Variants in SLC22A23 observed in about 807,000 individuals in gnomAD.
SLC22A23 encodes ion transporter protein.
A neutral mutation model predicts 61.0 loss-of-function variants in SLC22A23; 26 were observed. That is an observed-to-expected ratio of 0.43 (90% CI 0.31 to 0.59). SLC22A23 has a LOEUF of 0.59. SLC22A23 is among the 20% of genes least tolerant of loss of function. The pLI is 0.11. For synonymous variants in SLC22A23, 430 were observed against 413.9 expected (o/e 1.04, Z -0.47); for missense variants, 796 against 934.7 (o/e 0.85, Z 1.94).
intron 1 of SLC22A23, among the ~76,000 whole-genome samples, chr6:3,451,013 T>C (rs1026212652): frequency 5.3e-5 from 8 of 152,186 alleles, no homozygotes; most frequent in African/African-American, 1.9e-4. Context: ...TGCAAATTCA[T>C]GAGAACAGAG....
chr6:3,390,133 G>A lies in SLC22A23; in HGVS notation c.913+20055C>T, dbSNP rs574525978. On this transcript the variant is annotated intron_variant, in intron 3 of 9. Transcript: ENST00000406686. This position sits in a 1 kb window ranked among gnomAD's most constrained non-coding sequence, Gnocchi z 4.0. ...GGGCTCATCCGGAACAGCAACCAGC[G>A]GTGAGCCACAGTCAGGAAAAGGAAT... Among the ~76,000 whole-genome samples the A allele has an allele frequency of 5.9e-5, 9 of 152,258 alleles. No individual in the cohort carries two copies. Among genetic ancestry groups the A allele is most frequent in the African/African-American group, 1.7e-4 (7 of 41,558 alleles).
chr6:3,396,295 G>C (rs1316732633), intron 3 of SLC22A23, among the ~76,000 whole-genome samples: 1 of 152,252 alleles, frequency 6.6e-6, no homozygotes, highest in East Asian at 1.9e-4. Flanking sequence ...AGGTGCAGTG[G>C]CTTATGCCTG....
chr6:3,417,047 C>A (rs1769766072), intron 1 of SLC22A23, among the ~76,000 whole-genome samples: 1 of 152,120 alleles, frequency 6.6e-6, no homozygotes, highest in African/African-American at 2.4e-5. Flanking sequence ...TCAGGTCCTG[C>A]CTCATGTTTC....
rs1762230601 is a variant in SLC22A23 at position 3,309,609 on chromosome 6, G to A, written c.1083-11391C>T. Among the ~76,000 whole-genome samples, 1 of 152,042 alleles carries A rather than the reference G, an allele frequency of 6.6e-6. No homozygotes were observed. Among genetic ancestry groups the A allele is most frequent in the African/African-American group, 2.4e-5 (1 of 41,382 alleles). On this transcript the variant is annotated intron_variant, in intron 4 of 9. Coordinates refer to ENST00000406686, the MANE Select transcript of SLC22A23 (RefSeq NM_015482.2). The surrounding 1 kb of genome is among the most constrained non-coding windows in gnomAD (Gnocchi z 4.7). ...GGCACCTGACCATAATAAGGACTGT[G>A]GGCTGACGAGCAGGTGGCAGGAGGC...
chr6:3,447,558 A>G (rs969117443), intron 1 of SLC22A23, among the ~76,000 whole-genome samples: 1 of 151,830 alleles, frequency 6.6e-6, no homozygotes, highest in Non-Finnish European at 1.5e-5. Context: ...AATCTGTGAA[A>G]AGGAGGAGAG....
At chr6:3,284,836 GC>G (rs758117619) in intron 8 of SLC22A23, 42 of 1,408,624 alleles carry the variant, frequency 3.0e-5, no homozygotes, top group Non-Finnish European at 4.1e-5. Flanking sequence ...AGGGGAAGGG[GC>G]GGGGGCATGC....
At chr6:3,405,440 A>G (rs1160587163) in intron 3 of SLC22A23, among the ~76,000 whole-genome samples, 1 of 152,086 alleles carries the variant, frequency 6.6e-6, no homozygotes. Context: ...GTGGAGACAA[A>G]GAGACGACCG....
intron 3 of SLC22A23, among the ~76,000 whole-genome samples, chr6:3,377,475 C>T (rs756887864): frequency 3.0e-4 from 45 of 152,336 alleles, no homozygotes; most frequent in Middle Eastern, 6.8e-3. Flanking sequence ...CAGGGGAGGC[C>T]ACCCTGCTGT....
At chr6:3,428,915 C>T (rs1234731696) in intron 1 of SLC22A23, among the ~76,000 whole-genome samples, 1 of 152,184 alleles carries the variant, frequency 6.6e-6, no homozygotes, top group Non-Finnish European at 1.5e-5. Flanking sequence ...CAGGACTTCT[C>T]AGAGCCTTTA....
chr6:3,395,196 T>G (rs1767926898), intron 3 of SLC22A23, among the ~76,000 whole-genome samples: 1 of 152,244 alleles, frequency 6.6e-6, no homozygotes, highest in Non-Finnish European at 1.5e-5. Context: ...CTGGATGGGA[T>G]GCCTGTAGCC....
intron 4 of SLC22A23, among the ~76,000 whole-genome samples, chr6:3,299,146 A>G (rs986432737): frequency 2.0e-4 from 30 of 152,222 alleles, no homozygotes; most frequent in Non-Finnish European, 2.1e-4. Flanking sequence ...ATAAAAAAAT[A>G]ATTTAACAAA....
intron 4 of SLC22A23, among the ~76,000 whole-genome samples, chr6:3,314,593 C>T (rs905438519): frequency 6.6e-6 from 1 of 152,116 alleles, no homozygotes; most frequent in African/African-American, 2.4e-5. Flanking sequence ...CAGTATTACT[C>T]TGACCAAAAT....
chr6:3,371,937 A>G (rs577383236), intron 3 of SLC22A23, among the ~76,000 whole-genome samples: 1 of 152,256 alleles, frequency 6.6e-6, no homozygotes, highest in South Asian at 2.1e-4. Flanking sequence ...CTGATTCACA[A>G]ATGCTCAAGA....
rs1203015973 is a variant in SLC22A23, at chr6:3,269,650, A to C, written c.*3405T>G. On this transcript the variant is annotated 3_prime_UTR_variant, in exon 10 of 10. Coordinates refer to ENST00000406686, the MANE Select transcript of SLC22A23 (RefSeq NM_015482.2). Reference sequence around the variant, plus strand: ...ACAGAAACACAGTTTTTATATTACAACCTCAAGGACAGGGAGGGAAGTGTT... The same window carrying C: ...ACAGAAACACAGTTTTTATATTACACCCTCAAGGACAGGGAGGGAAGTGTT... 2 of 57,438 alleles carry C rather than the reference A, an allele frequency of 3.5e-5. No individual in the cohort carries two copies. Among genetic ancestry groups the C allele is most frequent in the Non-Finnish European group, 7.7e-5 (2 of 26,096 alleles). The allele number at this position is 57,438 out of a possible 1,614,324, so 3.6% of individuals were successfully genotyped here.
intron 3 of SLC22A23, among the ~76,000 whole-genome samples, chr6:3,405,694 G>A (rs1465764927): frequency 2.6e-5 from 4 of 151,570 alleles, no homozygotes; most frequent in African/African-American, 9.7e-5. Flanking sequence ...AAGTTGCAAG[G>A]AATATTAGTT....
intron 3 of SLC22A23, among the ~76,000 whole-genome samples, chr6:3,362,408 A>G (rs1765521178): frequency 1.2e-5 from 1 of 85,252 alleles, no homozygotes; most frequent in Non-Finnish European, 2.6e-5. Flanking sequence ...GTCTCACAAA[A>G]AAAAAAAATA....
At chr6:3,397,435 G>C (rs1768085402) in intron 3 of SLC22A23, among the ~76,000 whole-genome samples, 1 of 152,220 alleles carries the variant, frequency 6.6e-6, no homozygotes, top group South Asian at 2.1e-4. Flanking sequence ...AGCTCAGTAA[G>C]TGTTATCTCT....
chr6:3,289,980 GC>G (rs1760423883), intron 5 of SLC22A23, 114 bp from the exon 6 acceptor site: 12 of 537,148 alleles, frequency 2.2e-5, no homozygotes, highest in Middle Eastern at 3.7e-4. Flanking sequence ...GGAGAGAGAA[GC>G]TTTTTTTTTT....
At chr6:3,405,053 G>A (rs1768708966) in intron 3 of SLC22A23, among the ~76,000 whole-genome samples, 1 of 152,062 alleles carries the variant, frequency 6.6e-6, no homozygotes, top group African/African-American at 2.4e-5. Context: ...GAGGTCAGGA[G>A]ATCGAGACCA....
Sources: gnomAD v4.1 joint callset for allele counts (sites outside exome capture counted in the v4.1 genomes callset) on GRCh38, gnomAD v4.1.1 for gene constraint, Gnocchi (gnomAD v3.1) non-coding constraint, MANE v1.5 for transcripts, NCBI Gene and HGNC (gene_info 2026-07-23, HGNC 2026-07-21) for gene names.